ALMS1: variants seen among roughly 807,000 people sequenced by gnomAD.
ALMS1 encodes the protein ALMS1 centrosome and basal body associated protein.
Under a neutral mutation model 352.2 loss-of-function variants are expected in ALMS1, and 271 were observed. The ratio of observed to expected loss-of-function variants is 0.77; its 90% confidence interval spans 0.70 to 0.85. ALMS1 has a LOEUF of 0.85. Ranked by LOEUF, ALMS1 falls within the 40% of genes least tolerant of loss-of-function variation. The pLI is 0.00. For missense variants in ALMS1, 5,445 were observed against 4,870.7 expected (o/e 1.12, Z -3.51); for synonymous variants, 1,865 against 1,761.2 (o/e 1.06, Z -1.48).
chr2:73,527,704 A>T (rs1336961192), intron 11 of ALMS1, among the ~76,000 whole-genome samples: 1 of 152,018 alleles, frequency 6.6e-6, no homozygotes, highest in African/African-American at 2.4e-5. Context: ...TTTTCAACAA[A>T]CAAACTTTTT....
intron 12 of ALMS1, among the ~76,000 whole-genome samples, chr2:73,545,005 T>A (rs973187341): frequency 6.6e-6 from 1 of 152,016 alleles, no homozygotes; most frequent in Admixed American, 6.6e-5. Context: ...AAAGTAGAAT[T>A]GTGTTTACTA....
chr2:73,572,744 C>G lies in ALMS1; in HGVS notation c.10867C>G (p.Leu3623Val), dbSNP rs769707217. 6.2e-7 allele frequency: 1 copy of G among 1,614,126 alleles called. No homozygotes were observed. Among genetic ancestry groups the G allele is most frequent in the African/African-American group, 1.3e-5 (1 of 75,042 alleles). Residue 3623 changes from leucine (L) to valine (V), a missense_variant, in exon 16 of 23, where the codon CTG (leucine) becomes GTG (valine). Physicochemically the swap from Leu to Val is conservative, Grantham distance 32. Coordinates refer to ENST00000613296, the MANE Select transcript of ALMS1 (RefSeq NM_001378454.1). ...RQPELGDRKE[L>V]SLVDRLDRLA... ...GCCTGAGTTGGGTGACAGGAAAGAA[C>G]TGTCCTTGGTGGACCGACTTGATCG...
intron 11 of ALMS1, among the ~76,000 whole-genome samples, chr2:73,529,758 G>A (rs1438865087): frequency 1.3e-5 from 2 of 152,124 alleles, no homozygotes; most frequent in Non-Finnish European, 2.9e-5. Context: ...AATTTATAAA[G>A]AAAGGGAGTT....
chr2:73,505,293 C>T (rs760574306), intron 10 of ALMS1, among the ~76,000 whole-genome samples: 2 of 152,206 alleles, frequency 1.3e-5, no homozygotes, highest in Non-Finnish European at 2.9e-5. Flanking sequence ...TGAGGAATCA[C>T]CACACTGTCT....
chr2:73,607,321 A>T (rs1477076304), intron 21 of ALMS1, among the ~76,000 whole-genome samples: 1 of 152,226 alleles, frequency 6.6e-6, no homozygotes, highest in Non-Finnish European at 1.5e-5. Context: ...ATTATACTTC[A>T]TAATCTATTT....
intron 7 of ALMS1, among the ~76,000 whole-genome samples, chr2:73,440,818 A>G (rs1266894629): frequency 6.6e-6 from 1 of 152,176 alleles, no homozygotes; most frequent in South Asian, 2.1e-4. Flanking sequence ...TTATGTTAGG[A>G]GACTTTGATT....
At chr2:73,558,169 C>T (rs552070591) in intron 14 of ALMS1, among the ~76,000 whole-genome samples, 1 of 152,272 alleles carries the variant, frequency 6.6e-6, no homozygotes, top group Non-Finnish European at 1.5e-5. Context: ...AGTTGTTATT[C>T]TAATAACAAT....
chr2:73,494,208 G>A (rs1033089551), intron 10 of ALMS1, among the ~76,000 whole-genome samples: 2 of 152,186 alleles, frequency 1.3e-5, no homozygotes, highest in Non-Finnish European at 2.9e-5. Flanking sequence ...CCTTGGATGT[G>A]TCATCTCGTC....
At chr2:73,533,888 TC>T (rs1673974147) in intron 11 of ALMS1, among the ~76,000 whole-genome samples, 1 of 152,320 alleles carries the variant, frequency 6.6e-6, no homozygotes, top group East Asian at 1.9e-4. Context: ...TTTGAAAACT[TC>T]ATGAATGGTG....
At chr2:73,469,055 A>G (rs1393040490) in intron 9 of ALMS1, among the ~76,000 whole-genome samples, 1 of 151,954 alleles carries the variant, frequency 6.6e-6, no homozygotes, top group East Asian at 1.9e-4. Context: ...CACTGTACCC[A>G]ATGATTTACT....
At chr2:73,565,133 A>G (rs998891294) in intron 15 of ALMS1, among the ~76,000 whole-genome samples, 2 of 152,254 alleles carry the variant, frequency 1.3e-5, no homozygotes, top group African/African-American at 4.8e-5. Flanking sequence ...CACTATTAGT[A>G]GAAACAGTAT....
intron 9 of ALMS1, among the ~76,000 whole-genome samples, chr2:73,460,706 A>G (rs1672173519): frequency 6.6e-6 from 1 of 152,246 alleles, no homozygotes; most frequent in Non-Finnish European, 1.5e-5. Context: ...AAGGGGTGAC[A>G]GACGGCACCT....
chr2:73,472,402 C>T (rs1040995703), intron 9 of ALMS1, among the ~76,000 whole-genome samples: 7 of 152,020 alleles, frequency 4.6e-5, no homozygotes, highest in African/African-American at 1.7e-4. Context: ...TAGAATAATA[C>T]CTCAAATATG....
At chr2:73,488,064 C>T (rs1221315936) in intron 9 of ALMS1, among the ~76,000 whole-genome samples, 3 of 152,236 alleles carry the variant, frequency 2.0e-5, no homozygotes, top group Non-Finnish European at 4.4e-5. Context: ...TTCTGCGAAA[C>T]TGGCAGCCCT....
chr2:73,451,601 C>T lies in ALMS1; in HGVS notation c.5074C>T (p.Pro1692Ser), dbSNP rs764039432. 30 of 1,613,770 alleles carry T rather than the reference C, an allele frequency of 1.9e-5. No individual in the cohort carries two copies. In the South Asian group the frequency reaches 2.3e-4, roughly 12 times the overall value. ...TTTACCTGAAGAAGCTCTGAAAGTT[C>T]CACCTGTTCCTGGACCAGATGCCCA... Reference protein sequence around the residue: ...SHLPEEALKVPPVPGPDAQKT... With the variant: ...SHLPEEALKVSPVPGPDAQKT... The change falls in exon 8 of 23, where the codon CCA becomes TCA. Residue 1692 changes from proline (P) to serine (S), a missense_variant. Pro to Ser is a moderately conservative substitution (Grantham distance 74). Coordinates refer to ENST00000613296, the MANE Select transcript of ALMS1 (RefSeq NM_001378454.1).
At chr2:73,494,011 C>T (rs1329117776) in intron 10 of ALMS1, among the ~76,000 whole-genome samples, 1 of 152,202 alleles carries the variant, frequency 6.6e-6, no homozygotes, top group Admixed American at 6.5e-5. Flanking sequence ...AATGTGGTCT[C>T]ATCACAGGGC....
chr2:73,406,823 G>C (rs113304334), intron 1 of ALMS1, among the ~76,000 whole-genome samples: 2 of 152,164 alleles, frequency 1.3e-5, no homozygotes, highest in East Asian at 1.9e-4. Context: ...ATGGGGTTTC[G>C]CCATTGTTGG....
In ALMS1 at chr2:73,490,077, A is replaced by G. The variant is rs1253476068; in HGVS notation, c.8118A>G (p.Glu2706=). The G allele has an allele frequency of 6.2e-7, 1 of 1,614,044 alleles. No individual in the cohort carries two copies. Among genetic ancestry groups the G allele is most frequent in the African/African-American group, 1.3e-5 (1 of 74,908 alleles). The part of the protein sequence containing the change: ...FHSSSQMPSP[E]PMKKFTTSIT... Reference sequence around the variant, plus strand: ...CTTCATCACAAATGCCGTCCCCAGAACCCATGAAAAAGTTTACTACCTCCA... The same window carrying G: ...CTTCATCACAAATGCCGTCCCCAGAGCCCATGAAAAAGTTTACTACCTCCA... Residue 2706 remains glutamate, a synonymous_variant, in exon 10 of 23, where the codon GAA becomes GAG. Coordinates refer to ENST00000613296, the MANE Select transcript of ALMS1 (RefSeq NM_001378454.1).
chr2:73,448,663 C>G lies in ALMS1; in HGVS notation c.2136C>G (p.Leu712=). ...AGAAGACTGGGACAGCAACAGTACT[C>G]TCTACTCCCCACTCACATAGAGAGA... ...ADQKTGTATV[L]STPHSHREKP... is the part of the protein sequence containing the mutation. The change falls in exon 8 of 23, where the codon CTC becomes CTG. Residue 712 remains leucine, a synonymous_variant. Transcript: ENST00000613296. 1.9e-6 allele frequency: 3 copies of G among 1,613,896 alleles called. No individual in the cohort carries two copies. The highest frequency in any genetic ancestry group is 2.5e-6 in the Non-Finnish European group (3 of 1,179,918).
Sources: gnomAD v4.1 joint callset for allele counts (sites outside exome capture counted in the v4.1 genomes callset) on GRCh38, gnomAD v4.1.1 for gene constraint, MANE v1.5 for transcripts, NCBI Gene and HGNC (gene_info 2026-07-23, HGNC 2026-07-21) for gene names.